Variants in ESPNL observed in about 807,000 individuals in gnomAD.
The protein encoded by ESPNL is espin-like protein.
In ESPNL, 49 loss-of-function variants were observed where a neutral mutation model predicts 46.8. That is an observed-to-expected ratio of 1.05 (90% confidence interval 0.83 to 1.33). The LOEUF is 1.33. ESPNL is among the 40% of genes most tolerant of loss of function. ESPNL has a pLI of 0.00. For missense variants in ESPNL, 1,540 were observed against 1,436.6 expected (o/e 1.07, Z -1.16); for synonymous variants, 664 against 662.1 (o/e 1.00, Z -0.04).
chr2:238,124,931 C>T (rs2106476243), intron 5 of ESPNL, among the ~76,000 whole-genome samples: 1 of 152,318 alleles, frequency 6.6e-6, no homozygotes, highest in East Asian at 1.9e-4. Flanking sequence ...AGCTGGAAAC[C>T]AGGCCCTAAC....
chr2:238,128,068 C>A (rs1393358719), intron 7 of ESPNL, among the ~76,000 whole-genome samples: 1 of 152,196 alleles, frequency 6.6e-6, no homozygotes, highest in Non-Finnish European at 1.5e-5. Context: ...CAGCAGCCAT[C>A]CATGGGCAGG....
In ESPNL at chr2:238,100,549, A is replaced by T; in HGVS notation, c.130A>T (p.Thr44Ser). ...ALGAGLVHHA[T>S]RAGHLDCVKF... ...GGGGGCCGGCCTGGTTCACCACGCCACCCGGGCTGGCCACCTGGACTGCGT... is the reference window on the plus strand; with the variant it reads ...GGGGGCCGGCCTGGTTCACCACGCCTCCCGGGCTGGCCACCTGGACTGCGT... Residue 44 changes from threonine (T) to serine (S), a missense_variant, in exon 1 of 9, where the codon ACC becomes TCC. Coordinates refer to ENST00000343063, the MANE Select transcript of ESPNL (RefSeq NM_194312.4). The T allele has an allele frequency of 6.3e-7, 1 of 1,590,868 alleles. No individual in the cohort carries two copies. Among genetic ancestry groups the T allele is most frequent in the Non-Finnish European group, 8.5e-7 (1 of 1,171,188 alleles).
chr2:238,119,353 G>A (rs1691922522), intron 5 of ESPNL, among the ~76,000 whole-genome samples: 1 of 150,232 alleles, frequency 6.7e-6, no homozygotes, highest in Non-Finnish European at 1.5e-5. Flanking sequence ...GTGAATGGAG[G>A]AGGTGGATGA....
chr2:238,119,084 G>A (rs1397420854), intron 5 of ESPNL, among the ~76,000 whole-genome samples: 5 of 109,830 alleles, frequency 4.6e-5, no homozygotes, highest in Admixed American at 8.5e-5. Flanking sequence ...AGGGTGAATG[G>A]AGGAGAGTGG....
At chr2:238,129,715 G>A (rs1261992029) in intron 8 of ESPNL, among the ~76,000 whole-genome samples, 1 of 152,244 alleles carries the variant, frequency 6.6e-6, no homozygotes, top group Non-Finnish European at 1.5e-5. Context: ...GCGCAATCCT[G>A]CCAGCCACAT....
rs528237338 is a variant in ESPNL, at chr2:238,126,104, TTGTG to T, written c.1102+724_1102+727del. 1.9e-3 allele frequency among the ~76,000 whole-genome samples: 287 copies of T among 151,486 alleles called. 1 individual carries two copies. The highest frequency in any genetic ancestry group is 6.5e-3 in the African/African-American group (267 of 41,142). On this transcript the variant is annotated intron_variant, in intron 6 of 8. Coordinates refer to ENST00000343063, the MANE Select transcript of ESPNL (RefSeq NM_194312.4). ...TCTGTGTGTGACTATGTCTATGTGA[TTGTG>T]TGTCTCTGTGATTGATTGTGTCTGT...
intron 4 of ESPNL, among the ~76,000 whole-genome samples, chr2:238,111,501 G>A (rs1691718228): frequency 6.6e-6 from 1 of 152,114 alleles, no homozygotes; most frequent in African/African-American, 2.4e-5. Context: ...TTATGAACTT[G>A]ATGACTTAGG....
intron 2 of ESPNL, among the ~76,000 whole-genome samples, chr2:238,102,389 G>A (rs541602636): frequency 2.0e-5 from 3 of 152,320 alleles, no homozygotes; most frequent in East Asian, 1.9e-4. Context: ...GGCTGGGGGC[G>A]GTGACGATGG....
intron 5 of ESPNL, among the ~76,000 whole-genome samples, chr2:238,118,012 GATGGAGGAGGGTGA>G (rs1691854007): frequency 3.3e-5 from 5 of 151,618 alleles, no homozygotes; most frequent in African/African-American, 7.3e-5. Flanking sequence ...AGGAGGAATG[GATGGAGGAGGGTGA>G]ATGGAGGAGG....
chr2:238,117,180 GC>G (rs1350094892), intron 5 of ESPNL, 146 bp downstream of exon 5: 2 of 1,182,700 alleles, frequency 1.7e-6, no homozygotes, highest in African/African-American at 3.1e-5. Flanking sequence ...AGGAGCAAGG[GC>G]CTGGGCAGGA....
Position 238,107,962 on chromosome 2 carries a change from GGGCAGATGGA to G in ESPNL, c.847_855+1del, listed in dbSNP as rs1691635333. ...CCCCCTCCACGACGCAGCAGAGAAC[GGGCAGATGGA>G]GGTAAGGTGGGCGTGAGGGAGACAG... On this transcript the variant is annotated frameshift_variant and splice_region_variant, in exon 4 of 9. Transcript: ENST00000343063. LOFTEE classifies it high-confidence loss of function. 1.2e-6 allele frequency: 2 copies of G among 1,611,702 alleles called. No individual in the cohort carries two copies. Among genetic ancestry groups the G allele is most frequent in the Admixed American group, 1.7e-5 (1 of 59,784 alleles).
In ESPNL at chr2:238,131,429, C is replaced by T. The variant is rs200245480; in HGVS notation, c.2715C>T (p.Thr905=). The T allele has an allele frequency of 3.9e-4, 622 of 1,608,784 alleles. 1 individual carries two copies. The African/African-American group carries it at 6.5e-3, about 17-fold the overall frequency. ...TGCGCGCCTTCCACAAGGCCGTGAC[C>T]GACGAGGTGGCCGCCGGCCGCCGGG... ...EAVRAFHKAV[T]DEVAAGRRAW... Residue 905 remains threonine, a synonymous_variant, in exon 9 of 9, where the codon ACC becomes ACT. Transcript: ENST00000343063.
In ESPNL at chr2:238,128,908, G is replaced by A; in HGVS notation, c.1413+4G>A. On this transcript the variant is annotated splice_donor_region_variant and intron_variant, in intron 8 of 8. Transcript: ENST00000343063. ...AGAGAGCTCCGCAGAGGCCCAGGTA[G>A]GCCCCCGGCAGGGGCGGGACCAGTG... The A allele has an allele frequency of 6.5e-7, 1 of 1,535,882 alleles. No homozygotes were observed. Among genetic ancestry groups the A allele is most frequent in the Non-Finnish European group, 8.7e-7 (1 of 1,143,126 alleles).
chr2:238,110,067 C>T (rs1257310563), intron 4 of ESPNL, among the ~76,000 whole-genome samples: 1 of 151,022 alleles, frequency 6.6e-6, no homozygotes, highest in Non-Finnish European at 1.5e-5. Flanking sequence ...TTTAGGATGC[C>T]ACACGTTACC....
chr2:238,106,474 T>TC (rs1402894383), intron 3 of ESPNL, among the ~76,000 whole-genome samples: 2 of 152,226 alleles, frequency 1.3e-5, no homozygotes, highest in African/African-American at 4.8e-5. Context: ...CTGCAGCCCC[T>TC]CCCGGTGCCT....
In ESPNL at chr2:238,128,902, CA is replaced by C; in HGVS notation, c.1412del (p.Gln471ArgfsTer32). The stretch of plus-strand genomic sequence containing the variant: ...GGGCGCAGAGAGCTCCGCAGAGGCC[CA>C]GGTAGGCCCCCGGCAGGGGCGGGAC... The part of the protein sequence containing the change: ...RLGAESSAEA[Q>X]DNGGSSGPTE... On this transcript the variant is annotated frameshift_variant and splice_region_variant, in exon 8 of 9. Transcript: ENST00000343063. LOFTEE classifies it low-confidence loss of function (END_TRUNC). The C allele has an allele frequency of 6.5e-7, 1 of 1,537,770 alleles. No homozygotes were observed. The highest frequency in any genetic ancestry group is 8.7e-7 in the Non-Finnish European group (1 of 1,143,900).
chr2:238,118,235 G>T (rs562519123), intron 5 of ESPNL, among the ~76,000 whole-genome samples: 74 of 141,068 alleles, frequency 5.2e-4, no homozygotes, highest in African/African-American at 1.9e-3. Flanking sequence ...GATGGAGGAG[G>T]GTGGATGGAG....
intron 5 of ESPNL, among the ~76,000 whole-genome samples, chr2:238,117,456 G>T (rs931729492): frequency 2.1e-5 from 3 of 140,182 alleles, no homozygotes; most frequent in Non-Finnish European, 3.0e-5. Flanking sequence ...AGCCTCGGTG[G>T]CCAGAGTTCC....
chr2:238,111,834 A>T (rs1691723266), intron 4 of ESPNL, among the ~76,000 whole-genome samples: 1 of 152,220 alleles, frequency 6.6e-6, no homozygotes, highest in Admixed American at 6.5e-5. Context: ...TGATTACTTT[A>T]AAATGTTACA....
Sources: allele counts gnomAD v4.1 joint callset (sites outside exome capture counted in the v4.1 genomes callset), GRCh38; gene constraint gnomAD v4.1.1; transcripts MANE v1.5; gene names NCBI Gene and HGNC (gene_info 2026-07-23, HGNC 2026-07-21).